The following PREP variants were observed in gnomAD, a reference collection of about 807,000 sequenced individuals.
PREP encodes dJ355L5.1 (prolyl endopeptidase).
A neutral mutation model predicts 87.6 loss-of-function variants in PREP; 29 were observed. That is an observed-to-expected ratio of 0.33 (90% CI 0.25 to 0.45). PREP has a LOEUF of 0.45. Ranked by LOEUF, PREP falls within the 20% of genes least tolerant of loss-of-function variation. PREP has a pLI of 1.00. For synonymous variants in PREP, 337 were observed against 328.6 expected, an observed-to-expected ratio of 1.03 and a Z score of -0.28; for missense variants, 695 against 886.5, an observed-to-expected ratio of 0.78 and a Z score of 2.74.
intron 10 of PREP, chr6:105,323,028 T>G: frequency 7.7e-7 from 1 of 1,304,000 alleles, no homozygotes; most frequent in Non-Finnish European, 1.0e-6. Context: ...TGGTGACCTC[T>G]CATTGCAAAG....
chr6:105,360,003 T>G (rs1178076546), intron 6 of PREP, among the ~76,000 whole-genome samples: 1 of 152,278 alleles, frequency 6.6e-6, no homozygotes, highest in African/African-American at 2.4e-5. Flanking sequence ...TGTGACAGCA[T>G]GTAAGGCATC....
chr6:105,337,835 C>G (rs1018764675), intron 7 of PREP, among the ~76,000 whole-genome samples: 1 of 152,106 alleles, frequency 6.6e-6, no homozygotes, highest in Non-Finnish European at 1.5e-5. Flanking sequence ...AAACAGACAC[C>G]GTTACAACTA....
rs1583052346 is a variant in PREP, at chr6:105,318,562, C to A, written c.1317+5103G>T. 8.5e-5 allele frequency among the ~76,000 whole-genome samples: 13 copies of A among 152,278 alleles called. 4 individuals are homozygous for A. The South Asian group carries it at 2.7e-3, about 32-fold the overall frequency. On this transcript the variant is annotated intron_variant, in intron 10 of 14. Coordinates refer to ENST00000652536, the MANE Select transcript of PREP (RefSeq NM_002726.5). ...CAAGTATGTACACTCTGAATATGAACACTACGCTCTCAAGCTAGAATGCCT... is the reference window on the plus strand; with the variant it reads ...CAAGTATGTACACTCTGAATATGAAAACTACGCTCTCAAGCTAGAATGCCT...
intron 7 of PREP, among the ~76,000 whole-genome samples, chr6:105,347,244 C>T (rs1372522606): frequency 6.6e-6 from 1 of 152,204 alleles, no homozygotes; most frequent in East Asian, 1.9e-4. Context: ...GCCCGTCAGA[C>T]ACTCCCTCAA....
chr6:105,304,017 T>C (rs1223535618), intron 10 of PREP, among the ~76,000 whole-genome samples: 1 of 152,222 alleles, frequency 6.6e-6, no homozygotes, highest in African/African-American at 2.4e-5. Flanking sequence ...AAAAATATTC[T>C]CTCATTTTAA....
At chr6:105,350,127 G>GT (rs1336414707) in intron 7 of PREP, among the ~76,000 whole-genome samples, 2 of 151,332 alleles carry the variant, frequency 1.3e-5, no homozygotes, top group Admixed American at 6.6e-5. Context: ...TTTTTGTTTT[G>GT]TTTTTTTGGT....
At chr6:105,369,827 A>C (rs1478796746) in intron 5 of PREP, among the ~76,000 whole-genome samples, 1 of 152,214 alleles carries the variant, frequency 6.6e-6, no homozygotes, top group East Asian at 1.9e-4. Flanking sequence ...ACAAACAAAC[A>C]AACAAACAAA....
At chr6:105,363,458 G>A (rs1772303857) in intron 6 of PREP, among the ~76,000 whole-genome samples, 2 of 152,086 alleles carry the variant, frequency 1.3e-5, no homozygotes, top group Admixed American at 6.6e-5. Context: ...TGTCCTTCAA[G>A]TAAAGCCTCA....
rs189589955 is a variant in PREP, at chr6:105,356,975, T to G, written c.718-3898A>C. Among the ~76,000 whole-genome samples, 376 of 152,318 alleles carry G rather than the reference T, an allele frequency of 2.5e-3. 2 individuals are homozygous for G. The highest frequency in any genetic ancestry group is 9.1e-3 in the East Asian group (47 of 5,184). ...GCTTCCACATTTTAAATTTTGAACCTTTTATTTATCTTGCTTTCCCCGGTG... is the reference window on the plus strand; with the variant it reads ...GCTTCCACATTTTAAATTTTGAACCGTTTATTTATCTTGCTTTCCCCGGTG... On this transcript the variant is annotated intron_variant, in intron 6 of 14. Transcript: ENST00000652536.
intron 10 of PREP, among the ~76,000 whole-genome samples, chr6:105,317,467 T>C (rs558919641): frequency 6.6e-6 from 1 of 152,336 alleles, no homozygotes; most frequent in African/African-American, 2.4e-5. Context: ...CTCCATTAGA[T>C]GAACTCTAAT....
intron 6 of PREP, among the ~76,000 whole-genome samples, chr6:105,356,103 A>G (rs900227637): frequency 2.7e-5 from 4 of 149,590 alleles, no homozygotes; most frequent in African/African-American, 4.9e-5. Flanking sequence ...TTCTTTTTTA[A>G]TAACTATTTA....
At chr6:105,382,313 A>G (rs1053593021) in intron 2 of PREP, among the ~76,000 whole-genome samples, 2 of 149,426 alleles carry the variant, frequency 1.3e-5, no homozygotes, top group African/African-American at 5.0e-5. Context: ...ACACACACAC[A>G]AAGTATGTGA....
At chr6:105,380,209 G>A (rs9986351) in intron 2 of PREP, among the ~76,000 whole-genome samples, 1 of 151,934 alleles carries the variant, frequency 6.6e-6, no homozygotes, top group Non-Finnish European at 1.5e-5. Flanking sequence ...GACTGAGAGG[G>A]AGCAACCATG....
At position 105,328,878 on chromosome 6, in the gene PREP, C is replaced by T; in HGVS notation, c.1164G>A (p.Gln388=). ...GATAGAAGATTTCAGTGTCCTTCTT[C>T]TGACCGCTGTACCCTACAATGCTGC... ...DVGSIVGYSG[Q]KKDTEIFYQF... is the part of the protein sequence containing the mutation. Residue 388 remains glutamine, a synonymous_variant, in exon 9 of 15, where the codon CAG becomes CAA. Coordinates refer to ENST00000652536, the MANE Select transcript of PREP (RefSeq NM_002726.5). The T allele has an allele frequency of 6.2e-7, 1 of 1,614,198 alleles. No individual in the cohort carries two copies. Among genetic ancestry groups the T allele is most frequent in the Non-Finnish European group, 8.5e-7 (1 of 1,180,032 alleles).
intron 10 of PREP, among the ~76,000 whole-genome samples, chr6:105,321,481 T>C (rs1233932103): frequency 2.0e-5 from 3 of 152,274 alleles, no homozygotes; most frequent in Non-Finnish European, 4.4e-5. Context: ...CAGGCTGCTA[T>C]GTATGTGGCT....
intron 4 of PREP, among the ~76,000 whole-genome samples, chr6:105,375,737 T>C (rs1339421484): frequency 1.3e-5 from 2 of 152,268 alleles, no homozygotes; most frequent in Non-Finnish European, 2.9e-5. Flanking sequence ...CTTTCCTGTT[T>C]AATATTATAG....
At chr6:105,338,406 T>A (rs1562205711) in intron 7 of PREP, among the ~76,000 whole-genome samples, 1 of 152,200 alleles carries the variant, frequency 6.6e-6, no homozygotes, top group Non-Finnish European at 1.5e-5. Flanking sequence ...TGAAAATTAT[T>A]CAAGCTCCAA....
In PREP at chr6:105,372,006, A is replaced by G. The variant is rs540995205; in HGVS notation, c.595+1363T>C. 3.3e-5 allele frequency among the ~76,000 whole-genome samples: 5 copies of G among 152,312 alleles called. 1 individual carries two copies. In the South Asian group the frequency reaches 1.0e-3, roughly 32 times the overall value. On this transcript the variant is annotated intron_variant, in intron 5 of 14. Transcript: ENST00000652536. ...CTAACTCTGGGGCACTCTTAACACA[A>G]GCAGCTAATTTCGTTTCCAGAGCGC...
intron 7 of PREP, among the ~76,000 whole-genome samples, chr6:105,351,999 G>C (rs1490879843): frequency 1.3e-5 from 2 of 152,180 alleles, no homozygotes; most frequent in African/African-American, 4.8e-5. Context: ...ATCTTGCTCA[G>C]AGAAGTTTAA....
Sources: allele counts gnomAD v4.1 joint callset (sites outside exome capture counted in the v4.1 genomes callset), GRCh38; gene constraint gnomAD v4.1.1; transcripts MANE v1.5; gene names NCBI Gene and HGNC (gene_info 2026-07-23, HGNC 2026-07-21).